The following B3GLCT variants were observed in gnomAD, a reference collection of about 807,000 sequenced individuals.
The protein encoded by B3GLCT is beta 3-glucosyltransferase.
B3GLCT carries 65 observed loss-of-function variants against 63.4 expected under a neutral mutation model. That is an observed-to-expected ratio of 1.03 (90% CI 0.84 to 1.26). The LOEUF is 1.26. Ranked by LOEUF, B3GLCT falls within the 50% of genes most tolerant of loss-of-function variation. The probability of loss-of-function intolerance (pLI) is 0.00; values close to 1 mark genes in which losing one functional copy is unlikely to be tolerated. For missense variants in B3GLCT, 577 were observed against 604.8 expected (o/e 0.95, Z 0.48); for synonymous variants, 233 against 219.2 (o/e 1.06, Z -0.55).
rs35512327 is a variant in B3GLCT at position 31,253,595 on chromosome 13, CAAAAAAA to C, written c.459+5649_459+5655del. ...TGGGTGACAGAGTGAGACTCCATCT[CAAAAAAA>C]AAAAAAAAAAAAAAAAAAACTAGAG... On this transcript the variant is annotated intron_variant, in intron 6 of 14. Coordinates refer to ENST00000343307, the MANE Select transcript of B3GLCT (RefSeq NM_194318.4). Among the ~76,000 whole-genome samples, 19 of 18,418 alleles carry C rather than the reference CAAAAAAA, an allele frequency of 1.0e-3. 2 individuals carry two copies. The South Asian group carries it at 0.07, about 68-fold the overall frequency. 12.1% of individuals were successfully genotyped at this position (18,418 alleles called of 152,430 possible).
At chr13:31,288,443 C>CT (rs1873462042) in intron 12 of B3GLCT, among the ~76,000 whole-genome samples, 4 of 152,190 alleles carry the variant, frequency 2.6e-5, no homozygotes, top group African/African-American at 9.7e-5. Flanking sequence ...GCCCAAGAAT[C>CT]AGCCATTCAG....
chr13:31,233,659 C>T (rs9315118), intron 4 of B3GLCT, among the ~76,000 whole-genome samples: 3 of 151,862 alleles, frequency 2.0e-5, no homozygotes, highest in Admixed American at 6.6e-5. Flanking sequence ...CTTTATGTAC[C>T]TATGTCCAGG....
At chr13:31,272,793 G>A (rs1872628180) in intron 8 of B3GLCT, among the ~76,000 whole-genome samples, 1 of 152,044 alleles carries the variant, frequency 6.6e-6, no homozygotes, top group African/African-American at 2.4e-5. Context: ...TGGAAACTTA[G>A]ATATTGTCAT....
chr13:31,212,004 C>G (rs1483419475), intron 1 of B3GLCT, among the ~76,000 whole-genome samples: 1 of 152,112 alleles, frequency 6.6e-6, no homozygotes, highest in Non-Finnish European at 1.5e-5. Context: ...GGACCTGTTA[C>G]ATTAAGAAAG....
At chr13:31,286,919 G>A in intron 12 of B3GLCT, 100 bp downstream of exon 12, 1 of 800,704 alleles carries the variant, frequency 1.2e-6, no homozygotes. Flanking sequence ...AAGTAACGGG[G>A]ACGGGGTTTA....
chr13:31,237,886 A>G (rs910073293), intron 4 of B3GLCT, among the ~76,000 whole-genome samples: 22 of 152,192 alleles, frequency 1.4e-4, no homozygotes, highest in Admixed American at 4.6e-4. Context: ...TGGGACCCCA[A>G]CTGTGAAGCA....
At chr13:31,304,109 T>TTATA (rs1874321851) in intron 12 of B3GLCT, among the ~76,000 whole-genome samples, 1 of 94,658 alleles carries the variant, frequency 1.1e-5, no homozygotes, top group Non-Finnish European at 2.1e-5. Flanking sequence ...ATAAAATACT[T>TTATA]TATAGACAAG....
chr13:31,246,682 A>G (rs987752752), intron 4 of B3GLCT, among the ~76,000 whole-genome samples: 2 of 152,174 alleles, frequency 1.3e-5, no homozygotes, highest in Admixed American at 1.3e-4. Context: ...TACTTCCCCC[A>G]GGCTCTTCCC....
At chr13:31,223,841 G>A (rs1002752298) in intron 3 of B3GLCT, among the ~76,000 whole-genome samples, 2 of 152,152 alleles carry the variant, frequency 1.3e-5, no homozygotes, top group Non-Finnish European at 2.9e-5. Context: ...GCGGTCCATG[G>A]GAGAAGTCTC....
At chr13:31,269,819 G>A (rs1004080139) in intron 8 of B3GLCT, among the ~76,000 whole-genome samples, 2 of 152,170 alleles carry the variant, frequency 1.3e-5, no homozygotes, top group Non-Finnish European at 2.9e-5. Flanking sequence ...ACAGCTAGAA[G>A]GTGCCATCCA....
chr13:31,326,219 G>A (rs1164359782), intron 14 of B3GLCT, among the ~76,000 whole-genome samples: 1 of 149,716 alleles, frequency 6.7e-6, no homozygotes, highest in East Asian at 1.9e-4. Context: ...TGTTTAGTGT[G>A]CTCCAGTATT....
At chr13:31,250,170 ATTTTG>A (rs1414235011) in intron 6 of B3GLCT, among the ~76,000 whole-genome samples, 2 of 151,874 alleles carry the variant, frequency 1.3e-5, no homozygotes, top group African/African-American at 4.8e-5. Flanking sequence ...CTTTAAATTT[ATTTTG>A]TTTTATTTTA....
chr13:31,302,670 G>A (rs1252189817), intron 12 of B3GLCT, among the ~76,000 whole-genome samples: 1 of 29,050 alleles, frequency 3.4e-5, no homozygotes, highest in South Asian at 1.0e-3. Context: ...TGGCTCAGAG[G>A]GTCCTACGCC....
At chr13:31,248,190 T>A (rs1000416305) in intron 6 of B3GLCT, among the ~76,000 whole-genome samples, 12 of 152,244 alleles carry the variant, frequency 7.9e-5, no homozygotes, top group African/African-American at 2.9e-4. Context: ...GAAAAAAATC[T>A]GTTAATATAT....
chr13:31,288,130 T>G (rs1007877325), intron 12 of B3GLCT, among the ~76,000 whole-genome samples: 1 of 152,132 alleles, frequency 6.6e-6, no homozygotes, highest in Non-Finnish European at 1.5e-5. Flanking sequence ...AGAGTGTCAA[T>G]GAACCCCAGG....
At chr13:31,227,316 T>C (rs1003333927) in intron 3 of B3GLCT, among the ~76,000 whole-genome samples, 39 of 151,944 alleles carry the variant, frequency 2.6e-4, no homozygotes, top group Admixed American at 7.9e-4. Context: ...AATGTGCATC[T>C]TCTTTATTAA....
chr13:31,308,361 C>CAAAAAA (rs77115717), intron 12 of B3GLCT, among the ~76,000 whole-genome samples: 1 of 65,624 alleles, frequency 1.5e-5, no homozygotes, highest in African/African-American at 5.3e-5. Flanking sequence ...AAAAAAAAAA[C>CAAAAAA]AAAAAAAAAA....
chr13:31,248,725 T>C (rs570268276), intron 6 of B3GLCT, among the ~76,000 whole-genome samples: 23 of 152,246 alleles, frequency 1.5e-4, no homozygotes, highest in Non-Finnish European at 2.8e-4. Flanking sequence ...ATCTTGTTTT[T>C]ATTTCATGCA....
chr13:31,202,594 G>A (rs970199801), intron 1 of B3GLCT, among the ~76,000 whole-genome samples: 1 of 152,176 alleles, frequency 6.6e-6, no homozygotes, highest in African/African-American at 2.4e-5. Context: ...TGGCAGCGGT[G>A]GCAGCAGCAC....
Sources: allele counts gnomAD v4.1 joint callset (sites outside exome capture counted in the v4.1 genomes callset), GRCh38; gene constraint gnomAD v4.1.1; transcripts MANE v1.5; gene names NCBI Gene and HGNC (gene_info 2026-07-23, HGNC 2026-07-21).